Variants in TAFA2 observed in about 807,000 individuals in gnomAD.
The protein encoded by TAFA2 is TAFA chemokine like family member 2.
Under a neutral mutation model 18.8 loss-of-function variants are expected in TAFA2, and 7 were observed. That is an observed-to-expected ratio of 0.37 (90% confidence interval 0.21 to 0.70). TAFA2 has a LOEUF of 0.70. TAFA2 is among the 30% of genes least tolerant of loss of function. The pLI is 0.53. For missense variants in TAFA2, 122 were observed against 158.1 expected, an observed-to-expected ratio of 0.77 and a Z score of 1.23; for synonymous variants, 60 against 54.2, an observed-to-expected ratio of 1.11 and a Z score of -0.47.
chr12:62,062,928 T>A (rs987249220), intron 1 of TAFA2, among the ~76,000 whole-genome samples: 6 of 151,814 alleles, frequency 4.0e-5, no homozygotes, highest in Non-Finnish European at 7.4e-5. Flanking sequence ...GCGGATGGAG[T>A]CCATGTCATG....
At chr12:62,091,825 A>G (rs1868727501) in intron 1 of TAFA2, among the ~76,000 whole-genome samples, 1 of 151,990 alleles carries the variant, frequency 6.6e-6, no homozygotes, top group Non-Finnish European at 1.5e-5. Flanking sequence ...TAGGAAAGAT[A>G]TTTTGAAACA....
chr12:62,011,751 T>TAAAAAAAAAAA (rs202026493), intron 1 of TAFA2, among the ~76,000 whole-genome samples: 1 of 102,858 alleles, frequency 9.7e-6, no homozygotes. Flanking sequence ...CAATAAATAC[T>TAAAAAAAAAAA]AAAAAAAAAA....
intron 2 of TAFA2, among the ~76,000 whole-genome samples, chr12:61,771,200 A>G (rs1019446561): frequency 9.9e-5 from 15 of 152,068 alleles, no homozygotes; most frequent in African/African-American, 3.6e-4. Context: ...AAACTATCAT[A>G]ATCCTAAATA....
chr12:62,258,687 T>C (rs1354280435), intron 1 of TAFA2: 3 of 308,394 alleles, frequency 9.7e-6, no homozygotes, highest in East Asian at 1.1e-4. Flanking sequence ...AGGTAGGTAT[T>C]ATTATACTCA....
chr12:61,896,336 C>G (rs1337967754), intron 1 of TAFA2, among the ~76,000 whole-genome samples: 1 of 152,146 alleles, frequency 6.6e-6, no homozygotes, highest in Non-Finnish European at 1.5e-5. Flanking sequence ...AAGCCAAGAT[C>G]TAATTATATT....
intron 1 of TAFA2, among the ~76,000 whole-genome samples, chr12:61,930,776 T>A (rs1407814704): frequency 1.3e-5 from 2 of 152,248 alleles, no homozygotes; most frequent in African/African-American, 2.4e-5. Flanking sequence ...TACATCACTC[T>A]GCATGAGGAA....
intron 1 of TAFA2, among the ~76,000 whole-genome samples, chr12:62,095,303 T>A (rs919113710): frequency 6.6e-6 from 1 of 152,132 alleles, no homozygotes; most frequent in Non-Finnish European, 1.5e-5. Context: ...CTGGAGTTAA[T>A]GTCTTAAGGG....
chr12:62,046,717 T>C (rs1881917984), intron 1 of TAFA2, among the ~76,000 whole-genome samples: 2 of 151,970 alleles, frequency 1.3e-5, no homozygotes, highest in South Asian at 4.1e-4. Context: ...GCAAACACAT[T>C]GTTCAGCGTC....
At chr12:61,724,056 T>C (rs779648516) in intron 4 of TAFA2, among the ~76,000 whole-genome samples, 14 of 152,082 alleles carry the variant, frequency 9.2e-5, no homozygotes, top group Non-Finnish European at 2.1e-4. Context: ...TGCCCCAAAA[T>C]AATATTGTGC....
intron 1 of TAFA2, among the ~76,000 whole-genome samples, chr12:62,107,404 A>G (rs1869509153): frequency 6.6e-6 from 1 of 152,180 alleles, no homozygotes; most frequent in Non-Finnish European, 1.5e-5. Context: ...TATTTTTCCA[A>G]ATAAACCAAA....
chr12:61,860,267 A>G (rs1874072521), intron 2 of TAFA2, among the ~76,000 whole-genome samples: 1 of 152,192 alleles, frequency 6.6e-6, no homozygotes, highest in South Asian at 2.1e-4. Flanking sequence ...ATAAATATAT[A>G]TTACTTTGAA....
chr12:62,034,355 T>A (rs907451912), intron 1 of TAFA2, among the ~76,000 whole-genome samples: 1 of 152,210 alleles, frequency 6.6e-6, no homozygotes, highest in East Asian at 1.9e-4. Flanking sequence ...AGATTTTACC[T>A]ACCTCGGAAA....
intron 2 of TAFA2, among the ~76,000 whole-genome samples, chr12:61,835,601 G>C (rs1424869372): frequency 1.3e-5 from 2 of 151,760 alleles, no homozygotes; most frequent in Non-Finnish European, 2.9e-5. Flanking sequence ...TTTTTGTATT[G>C]TTGTAATGAG....
At chr12:61,812,348 TG>T (rs1871905652) in intron 2 of TAFA2, among the ~76,000 whole-genome samples, 2 of 151,440 alleles carry the variant, frequency 1.3e-5, no homozygotes, top group Non-Finnish European at 2.9e-5. Context: ...ATGTCCTGAT[TG>T]TATCTGGCCC....
chr12:62,072,141 A>T (rs963947219), intron 1 of TAFA2, among the ~76,000 whole-genome samples: 2 of 152,108 alleles, frequency 1.3e-5, no homozygotes, highest in Non-Finnish European at 2.9e-5. Flanking sequence ...AACATCCTTG[A>T]GCAAAAATCT....
chr12:62,257,280 T>C (rs1230462872), intron 1 of TAFA2, among the ~76,000 whole-genome samples: 3 of 151,700 alleles, frequency 2.0e-5, no homozygotes, highest in Non-Finnish European at 4.4e-5. Flanking sequence ...AATTATGAAA[T>C]AGGCAAAACT....
chr12:61,914,626 T>C (rs1876744452), intron 1 of TAFA2, among the ~76,000 whole-genome samples: 2 of 152,182 alleles, frequency 1.3e-5, no homozygotes, highest in South Asian at 4.1e-4. Context: ...TTCCAAAAAT[T>C]ACTCTCATTG....
chr12:62,115,784 C>G (rs930289531), intron 1 of TAFA2, among the ~76,000 whole-genome samples: 21 of 152,154 alleles, frequency 1.4e-4, no homozygotes, highest in Non-Finnish European at 2.5e-4. Context: ...CTCTGACATC[C>G]AGCTTCCTTT....
chr12:62,068,630 A>G (rs2136800000), intron 1 of TAFA2, among the ~76,000 whole-genome samples: 1 of 152,254 alleles, frequency 6.6e-6, no homozygotes. Flanking sequence ...TTAGAACATG[A>G]CAATGGAAAA....
Sources: allele counts gnomAD v4.1 joint callset (sites outside exome capture counted in the v4.1 genomes callset), GRCh38; gene constraint gnomAD v4.1.1; transcripts MANE v1.5; gene names NCBI Gene and HGNC (gene_info 2026-07-23, HGNC 2026-07-21).